The following DIRAS2 variants were observed in gnomAD, a reference collection of about 807,000 sequenced individuals.
DIRAS2 encodes the protein DIRAS family GTPase 2.
DIRAS2 carries 5 observed loss-of-function variants against 13.9 expected under a neutral mutation model. The ratio of observed to expected loss-of-function variants is 0.36; its 90% CI spans 0.19 to 0.76. The LOEUF is 0.76. Among genes scored for constraint, DIRAS2 ranks in the 30% least tolerant of loss-of-function variants. The probability of loss-of-function intolerance (pLI) is 0.53; values close to 1 mark genes in which losing one functional copy is unlikely to be tolerated. For synonymous variants in DIRAS2, 111 were observed against 105.4 expected, an observed-to-expected ratio of 1.05 and a Z score of -0.33; for missense variants, 191 against 263.0, an observed-to-expected ratio of 0.73 and a Z score of 1.89.
At chr9:90,627,388 ACCT>A (rs2118565427) in intron 1 of DIRAS2, among the ~76,000 whole-genome samples, 1 of 152,346 alleles carries the variant, frequency 6.6e-6, no homozygotes, top group South Asian at 2.1e-4. Flanking sequence ...ACACGGATGA[ACCT>A]TGAGGACATT....
intron 1 of DIRAS2, among the ~76,000 whole-genome samples, chr9:90,620,820 G>T (rs528588883): frequency 1.3e-5 from 2 of 152,064 alleles, no homozygotes; most frequent in Non-Finnish European, 2.9e-5. Context: ...TGAACCTGAC[G>T]GTGGCCTGCT....
chr9:90,613,926 T>G lies in DIRAS2; in HGVS notation c.-36-63A>C. 7.1e-7 allele frequency: 1 copy of G among 1,402,288 alleles called. No homozygotes were observed. The highest frequency in any genetic ancestry group is 9.6e-7 in the Non-Finnish European group (1 of 1,044,998). The allele number at this position is 1,402,288 out of a possible 1,614,324, so 86.9% of individuals were successfully genotyped here. A position where few individuals can be genotyped will look rare whatever the true frequency, so the allele number is the denominator to read the frequency against. Reference sequence around the variant, plus strand: ...TAAAATATAAAAACATTAATAAGGATAGCTCTACCCTCTTTTGATAGCTTA... The same window carrying G: ...TAAAATATAAAAACATTAATAAGGAGAGCTCTACCCTCTTTTGATAGCTTA... On this transcript the variant is annotated intron_variant, in intron 1 of 1. Transcript: ENST00000375765. This position sits in a 1 kb window ranked among gnomAD's most constrained non-coding sequence, Gnocchi z 5.6.
intron 1 of DIRAS2, among the ~76,000 whole-genome samples, chr9:90,639,551 C>T (rs1188071194): frequency 6.6e-6 from 1 of 152,012 alleles, no homozygotes; most frequent in Non-Finnish European, 1.5e-5. Context: ...CTGACCTCTG[C>T]AATCAAGAAT....
intron 1 of DIRAS2, among the ~76,000 whole-genome samples, chr9:90,630,513 T>C (rs1321460935): frequency 6.6e-6 from 1 of 152,236 alleles, no homozygotes; most frequent in Non-Finnish European, 1.5e-5. Flanking sequence ...ATGTTATTTT[T>C]CATTTATAAA....
intron 1 of DIRAS2, among the ~76,000 whole-genome samples, chr9:90,639,992 A>T (rs1398413599): frequency 6.6e-6 from 1 of 152,210 alleles, no homozygotes; most frequent in East Asian, 1.9e-4. Context: ...TGGGCTATTG[A>T]GCACTGGAAG....
At position 90,610,370 on chromosome 9, in the gene DIRAS2, T is replaced by C; in HGVS notation, c.*2858A>G. 3 of 399,018 alleles carry C rather than the reference T, an allele frequency of 7.5e-6. No individual in the cohort carries two copies. The highest frequency in any genetic ancestry group is 1.3e-5 in the Non-Finnish European group (3 of 226,072). 24.7% of individuals were successfully genotyped at this position (399,018 alleles called of 1,614,324 possible). On this transcript the variant is annotated 3_prime_UTR_variant, in exon 2 of 2. Transcript: ENST00000375765. ...ATGTAATTTTAGATAGAATGAACAA[T>C]TCAATATTGCTCTTGTGTTGGTCTT...
At chr9:90,637,786 G>A (rs889050432) in intron 1 of DIRAS2, among the ~76,000 whole-genome samples, 8 of 152,172 alleles carry the variant, frequency 5.3e-5, no homozygotes, top group Admixed American at 1.3e-4. Context: ...GTGCTTGAAA[G>A]ATCAGCACTG....
chr9:90,620,845 T>C (rs889107732), intron 1 of DIRAS2, among the ~76,000 whole-genome samples: 1 of 152,224 alleles, frequency 6.6e-6, no homozygotes, highest in Non-Finnish European at 1.5e-5. Flanking sequence ...GCTGGAAATA[T>C]TACATATCTT....
intron 1 of DIRAS2, among the ~76,000 whole-genome samples, chr9:90,628,553 G>A (rs1825293475): frequency 1.4e-5 from 2 of 140,462 alleles, no homozygotes; most frequent in Admixed American, 1.4e-4. Flanking sequence ...ACACACACAC[G>A]TATTTTTTTT....
intron 1 of DIRAS2, among the ~76,000 whole-genome samples, chr9:90,638,679 T>TA (rs1359789730): frequency 6.6e-6 from 1 of 151,346 alleles, no homozygotes; most frequent in Non-Finnish European, 1.5e-5. Context: ...ATTGGGGTGG[T>TA]AGGTAGCTGG....
At chr9:90,617,993 A>G (rs1825184795) in intron 1 of DIRAS2, among the ~76,000 whole-genome samples, 1 of 152,190 alleles carries the variant, frequency 6.6e-6, no homozygotes, top group Non-Finnish European at 1.5e-5. Flanking sequence ...CAGTATTTCC[A>G]GGAATCACCT....
intron 1 of DIRAS2, among the ~76,000 whole-genome samples, chr9:90,627,226 C>T (rs1167048751): frequency 6.6e-6 from 1 of 152,190 alleles, no homozygotes; most frequent in Non-Finnish European, 1.5e-5. Context: ...GCTATGGTTC[C>T]TGTACAGCCT....
At chr9:90,641,233 G>A (rs1258422553) in intron 1 of DIRAS2, among the ~76,000 whole-genome samples, 6 of 152,136 alleles carry the variant, frequency 3.9e-5, no homozygotes, top group Non-Finnish European at 8.8e-5. Context: ...TTTCTGAGTC[G>A]CCTCTTAGGA....
chr9:90,635,637 C>T (rs1044708813), intron 1 of DIRAS2, among the ~76,000 whole-genome samples: 4 of 152,196 alleles, frequency 2.6e-5, no homozygotes, highest in Admixed American at 2.6e-4. Flanking sequence ...ATATTTAACT[C>T]ATGATTTGGA....
intron 1 of DIRAS2, among the ~76,000 whole-genome samples, chr9:90,640,892 T>C: frequency 6.6e-6 from 1 of 152,220 alleles, no homozygotes; most frequent in East Asian, 1.9e-4. Context: ...ATTTTCAACA[T>C]ATCAACTCTG....
chr9:90,616,712 G>A lies in DIRAS2; in HGVS notation c.-36-2849C>T, dbSNP rs1170910304. On this transcript the variant is annotated intron_variant, in intron 1 of 1. Transcript: ENST00000375765. ...AGATCATGCCACCGCACTCCAGCCT[G>A]GGTGACAGAGCAAGACTCCATCACA... 3.4e-5 allele frequency among the ~76,000 whole-genome samples: 5 copies of A among 146,528 alleles called. No homozygotes were observed. The South Asian group carries it at 6.6e-4, about 19-fold the overall frequency.
At chr9:90,617,739 A>G (rs1564018867) in intron 1 of DIRAS2, among the ~76,000 whole-genome samples, 1 of 152,240 alleles carries the variant, frequency 6.6e-6, no homozygotes, top group Non-Finnish European at 1.5e-5. Context: ...ATTTCAGAAT[A>G]CAACATTCAT....
In DIRAS2 at chr9:90,611,774, T is replaced by G. The variant is rs907735365; in HGVS notation, c.*1454A>C. On this transcript the variant is annotated 3_prime_UTR_variant, in exon 2 of 2. Coordinates refer to ENST00000375765, the MANE Select transcript of DIRAS2 (RefSeq NM_017594.5). The stretch of plus-strand genomic sequence containing the variant: ...GGTGACAGGAAGACTGCTGAGAGGA[T>G]GATGCCACAGTTGGGGCCAGTAAAT... The G allele has an allele frequency of 6.6e-6, 1 of 152,254 alleles. No individual in the cohort carries two copies. Among genetic ancestry groups the G allele is most frequent in the Non-Finnish European group, 1.5e-5 (1 of 68,102 alleles). 9.4% of individuals were successfully genotyped at this position (152,254 alleles called of 1,614,324 possible).
chr9:90,623,232 T>C (rs1239084182), intron 1 of DIRAS2, among the ~76,000 whole-genome samples: 1 of 152,218 alleles, frequency 6.6e-6, no homozygotes, highest in Non-Finnish European at 1.5e-5. Context: ...TGGTTTTCCA[T>C]TTGATTTATG....
Sources: gnomAD v4.1 joint callset for allele counts (sites outside exome capture counted in the v4.1 genomes callset) on GRCh38, gnomAD v4.1.1 for gene constraint, Gnocchi (gnomAD v3.1) non-coding constraint, MANE v1.5 for transcripts, NCBI Gene and HGNC (gene_info 2026-07-23, HGNC 2026-07-21) for gene names.